CNEP1R1: variants seen among roughly 807,000 people sequenced by gnomAD.
CNEP1R1 encodes nuclear envelope phosphatase-regulatory subunit 1.
CNEP1R1 carries 10 observed loss-of-function variants against 22.7 expected under a neutral mutation model. The ratio of observed to expected loss-of-function variants is 0.44; its 90% CI spans 0.27 to 0.75. The LOEUF is 0.75. Ranked by LOEUF, CNEP1R1 falls within the 30% of genes least tolerant of loss-of-function variation. CNEP1R1 has a pLI of 0.17. For synonymous variants in CNEP1R1, 53 were observed against 50.1 expected (o/e 1.06, Z -0.25); for missense variants, 73 against 151.5 (o/e 0.48, Z 2.72).
At chr16:50,028,042 C>T (rs1310311811) in intron 2 of CNEP1R1, among the ~76,000 whole-genome samples, 11 of 152,226 alleles carry the variant, frequency 7.2e-5, no homozygotes, top group Non-Finnish European at 1.6e-4. Context: ...ACTGCAACCT[C>T]TGCCTCCCGG....
rs1179080924 is a variant in CNEP1R1 at position 50,036,998 on chromosome 16, G to T, written c.*1540G>T. The T allele has an allele frequency of 1.3e-5, 2 of 152,496 alleles. No homozygotes were observed. The highest frequency in any genetic ancestry group is 2.9e-5 in the Non-Finnish European group (2 of 68,014). The allele number at this position is 152,496 out of a possible 1,614,324, so 9.4% of individuals were successfully genotyped here. ...TCAGCTCCTAAGAAGTCTTAAGAGGGTATTCTATATATTCTGCTTTGTTTT... is the reference window on the plus strand; with the variant it reads ...TCAGCTCCTAAGAAGTCTTAAGAGGTTATTCTATATATTCTGCTTTGTTTT... On this transcript the variant is annotated 3_prime_UTR_variant, in exon 6 of 6. Coordinates refer to ENST00000427478, the MANE Select transcript of CNEP1R1 (RefSeq NM_001281789.2).
chr16:50,027,489 C>T (rs933886199), intron 2 of CNEP1R1, among the ~76,000 whole-genome samples: 2 of 134,752 alleles, frequency 1.5e-5, no homozygotes, highest in African/African-American at 5.5e-5. Context: ...ACCTGGGCGA[C>T]AGAGCGAGAC....
At chr16:50,027,877 A>G (rs2036200093) in intron 2 of CNEP1R1, among the ~76,000 whole-genome samples, 1 of 152,202 alleles carries the variant, frequency 6.6e-6, no homozygotes, top group South Asian at 2.1e-4. Flanking sequence ...GCCCATGGAA[A>G]TACATAGGAA....
intron 1 of CNEP1R1, chr16:50,025,689 G>T: frequency 1.9e-6 from 3 of 1,613,862 alleles, no homozygotes; most frequent in Non-Finnish European, 2.5e-6. Context: ...GGTGGTTTCC[G>T]GTAACTGCCA....
intron 1 of CNEP1R1, chr16:50,026,075 C>T: frequency 2.4e-6 from 1 of 415,944 alleles, no homozygotes; most frequent in Non-Finnish European, 4.3e-6. Context: ...ATTTTATTTG[C>T]AACCCTGAAA....
chr16:50,025,424 C>T (rs898242385), intron 1 of CNEP1R1, 84 bp downstream of exon 1: 25 of 1,342,350 alleles, frequency 1.9e-5, no homozygotes, highest in East Asian at 7.7e-5. Context: ...TGAAGACCCC[C>T]GCCCCGGGAG....
At chr16:50,030,278 C>CA (rs1295000889) in intron 3 of CNEP1R1, among the ~76,000 whole-genome samples, 3 of 151,986 alleles carry the variant, frequency 2.0e-5, no homozygotes, top group Non-Finnish European at 4.4e-5. Flanking sequence ...CCCATCTCTA[C>CA]AAAAAATTTA....
At position 50,036,032 on chromosome 16, in the gene CNEP1R1, C is replaced by T. The variant is rs2036274319; in HGVS notation, c.*574C>T. 6.6e-6 allele frequency: 1 copy of T among 151,712 alleles called. No individual in the cohort carries two copies. The highest frequency in any genetic ancestry group is 6.6e-5 in the Admixed American group (1 of 15,184). The allele number at this position is 151,712 out of a possible 1,614,324, so 9.4% of individuals were successfully genotyped here. On this transcript the variant is annotated 3_prime_UTR_variant, in exon 6 of 6. Coordinates refer to ENST00000427478, the MANE Select transcript of CNEP1R1 (RefSeq NM_001281789.2). ...GAAATTATAGATGTTTTGAGAGACA[C>T]TTTTTGTTAAACCAGATATTGAACT...
At chr16:50,025,797 T>G in intron 1 of CNEP1R1, 1 of 1,034,476 alleles carries the variant, frequency 9.7e-7, no homozygotes, top group Non-Finnish European at 1.5e-6. Context: ...CGCCCCTGTC[T>G]TCTAGAACTA....
intron 3 of CNEP1R1, among the ~76,000 whole-genome samples, chr16:50,032,712 C>T (rs1352554067): frequency 1.3e-5 from 2 of 152,208 alleles, no homozygotes; most frequent in African/African-American, 2.4e-5. Context: ...AGCTTTTTAA[C>T]AGTAAAGGTA....
intron 1 of CNEP1R1, chr16:50,025,554 C>T (rs1036652733): frequency 1.2e-5 from 15 of 1,270,092 alleles, no homozygotes; most frequent in East Asian, 2.4e-5. Context: ...AGAGGGTCGA[C>T]CTCCTCGCCA....
chr16:50,029,570 A>G (rs533024596), intron 2 of CNEP1R1, among the ~76,000 whole-genome samples, 155 bp from the exon 3 acceptor site: 1 of 152,380 alleles, frequency 6.6e-6, no homozygotes, highest in South Asian at 2.1e-4. Flanking sequence ...CCTCGAAGCC[A>G]GATGGCAAGC....
At chr16:50,032,625 G>T (rs1317643023) in intron 3 of CNEP1R1, among the ~76,000 whole-genome samples, 1 of 152,216 alleles carries the variant, frequency 6.6e-6, no homozygotes, top group Non-Finnish European at 1.5e-5. Context: ...CAGCATATGT[G>T]TGGAAATATG....
chr16:50,032,314 G>C (rs1247397487), intron 3 of CNEP1R1, among the ~76,000 whole-genome samples: 2 of 152,154 alleles, frequency 1.3e-5, no homozygotes, highest in African/African-American at 4.8e-5. Context: ...TCTTATTCCA[G>C]TCATGGATCC....
At chr16:50,026,508 G>C in intron 2 of CNEP1R1, 41 bp downstream of exon 2, 3 of 1,365,604 alleles carry the variant, frequency 2.2e-6, no homozygotes, top group East Asian at 2.3e-5. Context: ...ACTAACAATT[G>C]ATACTTTTAT....
At position 50,036,543 on chromosome 16, in the gene CNEP1R1, A is replaced by G. The variant is rs1285042949; in HGVS notation, c.*1085A>G. The G allele has an allele frequency of 6.6e-6, 1 of 152,124 alleles. No individual in the cohort carries two copies. Among genetic ancestry groups the G allele is most frequent in the East Asian group, 1.9e-4 (1 of 5,198 alleles). The allele number at this position is 152,124 out of a possible 1,614,324, so 9.4% of individuals were successfully genotyped here. On this transcript the variant is annotated 3_prime_UTR_variant, in exon 6 of 6. Coordinates refer to ENST00000427478, the MANE Select transcript of CNEP1R1 (RefSeq NM_001281789.2). ...GATAGTCATTGTTTTAGATAACTGG[A>G]TTTTACGCTGTGGTAGACAGGCTGT...
intron 5 of CNEP1R1, 170 bp downstream of exon 5, chr16:50,034,326 T>G: frequency 1.7e-6 from 1 of 577,186 alleles, no homozygotes; most frequent in Non-Finnish European, 3.1e-6. Context: ...ATCTTTGGCA[T>G]TGAGATCCAT....
intron 1 of CNEP1R1, 107 bp downstream of exon 1, chr16:50,025,447 G>C (rs1432240776): frequency 2.4e-6 from 3 of 1,266,358 alleles, no homozygotes; most frequent in Non-Finnish European, 3.2e-6. Flanking sequence ...GGCCGCAGAG[G>C]ATGGAGCTAG....
chr16:50,032,075 CT>C (rs946711764), intron 3 of CNEP1R1, among the ~76,000 whole-genome samples: 1 of 152,182 alleles, frequency 6.6e-6, no homozygotes, highest in African/African-American at 2.4e-5. Context: ...CCTCTCATTT[CT>C]TCATCTGACA....
Sources: allele counts gnomAD v4.1 joint callset (sites outside exome capture counted in the v4.1 genomes callset), GRCh38; gene constraint gnomAD v4.1.1; transcripts MANE v1.5; gene names NCBI Gene and HGNC (gene_info 2026-07-23, HGNC 2026-07-21).